Variants in ZPBP observed in about 807,000 individuals in gnomAD.
ZPBP encodes the protein zona pellucida-binding protein 1.
ZPBP carries 26 observed loss-of-function variants against 44.8 expected under a neutral mutation model. That is an observed-to-expected ratio of 0.58 (90% CI 0.43 to 0.81). ZPBP has a LOEUF of 0.81. Ranked by LOEUF, ZPBP falls within the 30% of genes least tolerant of loss-of-function variation. The pLI, the probability that ZPBP is intolerant of heterozygous loss-of-function variation, is 0.00. For synonymous variants in ZPBP, 174 were observed against 153.2 expected (o/e 1.14, Z -1.00); for missense variants, 409 against 434.0 (o/e 0.94, Z 0.51).
At chr7:50,040,172 C>A (rs954289606) in intron 4 of ZPBP, among the ~76,000 whole-genome samples, 1 of 152,056 alleles carries the variant, frequency 6.6e-6, no homozygotes, top group Non-Finnish European at 1.5e-5. Context: ...ACAAGCCAAT[C>A]AAAAAGCAGA....
intron 4 of ZPBP, among the ~76,000 whole-genome samples, chr7:50,045,579 C>T (rs886603312): frequency 6.6e-6 from 1 of 152,138 alleles, no homozygotes; most frequent in East Asian, 1.9e-4. Flanking sequence ...CCTGGGAATA[C>T]AACTTACACG....
chr7:49,886,674 G>T (rs915075466), intron 2 of ZPBP, among the ~76,000 whole-genome samples: 2 of 152,034 alleles, frequency 1.3e-5, no homozygotes, highest in Admixed American at 6.5e-5. Flanking sequence ...TGTCAGAGGG[G>T]TTTGTTGTAC....
At chr7:49,907,935 G>C (rs1031843209) in intron 1 of ZPBP, among the ~76,000 whole-genome samples, 1 of 152,122 alleles carries the variant, frequency 6.6e-6, no homozygotes, top group African/African-American at 2.4e-5. Flanking sequence ...GACCTATAAA[G>C]GTGCCAGACT....
intron 3 of ZPBP, among the ~76,000 whole-genome samples, chr7:50,065,398 G>C (rs1801452636): frequency 6.6e-6 from 1 of 150,930 alleles, no homozygotes; most frequent in Non-Finnish European, 1.5e-5. Flanking sequence ...GATCTGGTAA[G>C]TAGGAGTCAT....
chr7:49,967,325 C>G lies in ZPBP; in HGVS notation c.961+16017G>C, dbSNP rs907693378. 4.6e-5 allele frequency among the ~76,000 whole-genome samples: 7 copies of G among 152,212 alleles called. No individual in the cohort carries two copies. The South Asian group carries it at 1.2e-3, about 27-fold the overall frequency. On this transcript the variant is annotated intron_variant, in intron 7 of 7. Coordinates refer to ENST00000046087, the MANE Select transcript of ZPBP (RefSeq NM_007009.3). ...ATAAGAATATCAATCTTATGCATATCCCAATCTTTTAATTTGGAAGCAGGT... is the reference window on the plus strand; with the variant it reads ...ATAAGAATATCAATCTTATGCATATGCCAATCTTTTAATTTGGAAGCAGGT...
intron 2 of ZPBP, among the ~76,000 whole-genome samples, chr7:50,087,167 G>A (rs1450636705): frequency 6.6e-6 from 1 of 151,998 alleles, no homozygotes; most frequent in Admixed American, 6.6e-5. Context: ...AAAGATAGAA[G>A]AGGAGGTCAT....
At chr7:50,013,352 T>A (rs1798672353) in intron 6 of ZPBP, among the ~76,000 whole-genome samples, 1 of 151,962 alleles carries the variant, frequency 6.6e-6, no homozygotes, top group Non-Finnish European at 1.5e-5. Flanking sequence ...GTAATTTCCA[T>A]GGGAGAGCTC....
intron 4 of ZPBP, among the ~76,000 whole-genome samples, chr7:50,047,449 C>G (rs956805233): frequency 5.3e-5 from 8 of 151,960 alleles, no homozygotes; most frequent in African/African-American, 1.7e-4. Context: ...TTTTACAGAC[C>G]AGACACAGAG....
intron 7 of ZPBP, among the ~76,000 whole-genome samples, chr7:49,940,207 C>T (rs1794813324): frequency 6.6e-6 from 1 of 152,126 alleles, no homozygotes; most frequent in Admixed American, 6.6e-5. Context: ...CATTGCTTCT[C>T]AGAAAATATA....
At position 49,905,343 on chromosome 7, in the gene ZPBP, A is replaced by G. The variant is rs909017418; in HGVS notation, n.412-4128T>C. On this transcript the variant is annotated intron_variant and non_coding_transcript_variant, in intron 1 of 2. Coordinates refer to the ZPBP transcript ENST00000465922. ...CCACCACAGCAGCCACTGCTACAGCAGTGCCACTGCTTTTACTCACGCTGT... is the reference window on the plus strand; with the variant it reads ...CCACCACAGCAGCCACTGCTACAGCGGTGCCACTGCTTTTACTCACGCTGT... 2.6e-5 allele frequency among the ~76,000 whole-genome samples: 4 copies of G among 152,328 alleles called. No homozygotes were observed. The South Asian group carries it at 6.2e-4, about 24-fold the overall frequency.
At position 49,904,864 on chromosome 7, in the gene ZPBP, T is replaced by G. The variant is rs780593664; in HGVS notation, n.412-3649A>C. ...AATTCTCCTGCCTCAGCCTCCCAAG[T>G]AGCTTGGATTATAGGCACCTGCCAC... On this transcript the variant is annotated intron_variant and non_coding_transcript_variant, in intron 1 of 2. Coordinates refer to the ZPBP transcript ENST00000465922. 1.1e-3 allele frequency among the ~76,000 whole-genome samples: 161 copies of G among 151,782 alleles called. 1 individual carries two copies. Among genetic ancestry groups the G allele is most frequent in the Non-Finnish European group, 3.2e-4 (22 of 67,956 alleles).
chr7:50,041,616 CAA>C (rs1267660476), intron 4 of ZPBP, among the ~76,000 whole-genome samples: 1 of 152,246 alleles, frequency 6.6e-6, no homozygotes, highest in African/African-American at 2.4e-5. Flanking sequence ...TCGACATCAA[CAA>C]AAAGGATGTT....
rs373387736 is a variant in ZPBP at position 50,017,836 on chromosome 7, C to A, written c.783+404G>T. Among the ~76,000 whole-genome samples, 7 of 151,920 alleles carry A rather than the reference C, an allele frequency of 4.6e-5. No individual in the cohort carries two copies. The East Asian group carries it at 5.8e-4, about 13-fold the overall frequency. ...TAGAAGATATAGCATCATTTTCACC[C>A]TAAGCATAGGTACAGGATGCCGGGT... On this transcript the variant is annotated intron_variant, in intron 6 of 7. Transcript: ENST00000046087.
intron 2 of ZPBP, among the ~76,000 whole-genome samples, chr7:49,897,825 A>G (rs917452759): frequency 6.6e-6 from 1 of 152,244 alleles, no homozygotes; most frequent in East Asian, 1.9e-4. Flanking sequence ...GGATTCAGTC[A>G]TAGGGTCACA....
downstream of ZPBP, among the ~76,000 whole-genome samples, chr7:49,933,551 G>A (rs967912282): frequency 3.3e-5 from 5 of 151,960 alleles, no homozygotes; most frequent in African/African-American, 1.2e-4. Context: ...CCAATTACTG[G>A]GTATATACCC....
At position 50,067,056 on chromosome 7, in the gene ZPBP, C is replaced by T. The variant is rs74401236; in HGVS notation, c.335-8915G>A. On this transcript the variant is annotated intron_variant, in intron 3 of 7. Coordinates refer to ENST00000046087, the MANE Select transcript of ZPBP (RefSeq NM_007009.3). ...TATATGGGTCCTAGAGTGGTTAGAC[C>T]CTATTTTTTAACCTAAACAAAGTCC... Among the ~76,000 whole-genome samples, 42 of 152,150 alleles carry T rather than the reference C, an allele frequency of 2.8e-4. No individual in the cohort carries two copies. In the South Asian group the frequency reaches 8.7e-3, roughly 32 times the overall value.
At chr7:49,880,474 A>G (rs887012195) in intron 2 of ZPBP, among the ~76,000 whole-genome samples, 1 of 151,622 alleles carries the variant, frequency 6.6e-6, no homozygotes, top group African/African-American at 2.4e-5. Context: ...AAGATTTTTT[A>G]TTATGGATTC....
At chr7:49,896,413 A>C (rs1583778672) in intron 2 of ZPBP, among the ~76,000 whole-genome samples, 3 of 152,332 alleles carry the variant, frequency 2.0e-5, no homozygotes, top group Admixed American at 2.0e-4. Context: ...AAACATATGG[A>C]ATGAAATGCT....
At chr7:49,958,019 T>C (rs1332620516) in intron 7 of ZPBP, among the ~76,000 whole-genome samples, 3 of 152,234 alleles carry the variant, frequency 2.0e-5, no homozygotes, top group Non-Finnish European at 4.4e-5. Context: ...TAATATTTAA[T>C]GTTGTTTACC....
Sources: gnomAD v4.1 joint callset for allele counts (sites outside exome capture counted in the v4.1 genomes callset) on GRCh38, gnomAD v4.1.1 for gene constraint, MANE v1.5 for transcripts, NCBI Gene and HGNC (gene_info 2026-07-23, HGNC 2026-07-21) for gene names.